OTUD7A: variants seen among roughly 807,000 people sequenced by gnomAD.
OTUD7A encodes the protein OTU domain-containing protein 7A.
OTUD7A carries 12 observed loss-of-function variants against 65.7 expected under a neutral mutation model. That is an observed-to-expected ratio of 0.18 (90% CI 0.12 to 0.30). OTUD7A has a LOEUF of 0.30. Among genes scored for constraint, OTUD7A ranks in the 10% least tolerant of loss-of-function variants. The pLI is 1.00. For missense variants in OTUD7A, 1,148 were observed against 1,304.8 expected (o/e 0.88, Z 1.85); for synonymous variants, 641 against 586.3 (o/e 1.09, Z -1.35).
intron 1 of OTUD7A, among the ~76,000 whole-genome samples, chr15:31,755,972 G>T (rs1894802060): frequency 6.6e-6 from 1 of 152,186 alleles, no homozygotes; most frequent in Non-Finnish European, 1.5e-5. Context: ...TAAGCCTTCT[G>T]CAAAGGCGTA....
At chr15:31,838,916 G>T (rs932096346) in intron 1 of OTUD7A, among the ~76,000 whole-genome samples, 2 of 152,346 alleles carry the variant, frequency 1.3e-5, no homozygotes, top group East Asian at 3.9e-4. Flanking sequence ...CCAAATGCAT[G>T]TTGGGTCATG....
chr15:31,564,352 G>A (rs1034163112), intron 4 of OTUD7A, among the ~76,000 whole-genome samples: 2 of 145,226 alleles, frequency 1.4e-5, no homozygotes, highest in Admixed American at 7.0e-5. Context: ...GATTCACCAT[G>A]CAAAAACTGT....
At chr15:31,804,337 C>T (rs1015499904) in intron 1 of OTUD7A, among the ~76,000 whole-genome samples, 3 of 152,158 alleles carry the variant, frequency 2.0e-5, no homozygotes, top group Non-Finnish European at 2.9e-5. Flanking sequence ...GGAGTGCCTA[C>T]TTTTATGGTT....
intron 1 of OTUD7A, among the ~76,000 whole-genome samples, chr15:31,818,792 G>A (rs180883626): frequency 1.2e-4 from 19 of 152,348 alleles, no homozygotes; most frequent in African/African-American, 3.8e-4. Context: ...GATTGATACA[G>A]AAATGAGCAT....
chr15:31,793,485 A>C (rs989440307), intron 1 of OTUD7A, among the ~76,000 whole-genome samples: 1 of 152,192 alleles, frequency 6.6e-6, no homozygotes, highest in Non-Finnish European at 1.5e-5. Context: ...TCTTCTTCTT[A>C]GAAGGCATTC....
chr15:31,733,037 A>C (rs1205637843), intron 1 of OTUD7A, among the ~76,000 whole-genome samples: 1 of 152,204 alleles, frequency 6.6e-6, no homozygotes, highest in African/African-American at 2.4e-5. Flanking sequence ...CTCCTGAAAA[A>C]AAGCTCTTTA....
At chr15:31,502,422 T>C (rs533688389) in intron 9 of OTUD7A, among the ~76,000 whole-genome samples, 87 of 152,292 alleles carry the variant, frequency 5.7e-4, no homozygotes, top group Non-Finnish European at 1.1e-3. Flanking sequence ...CTTCTGGAAA[T>C]ATCTGTCCTA....
At chr15:31,831,935 G>A (rs990161808) in intron 1 of OTUD7A, among the ~76,000 whole-genome samples, 2 of 152,272 alleles carry the variant, frequency 1.3e-5, no homozygotes, top group East Asian at 3.8e-4. Context: ...CTGTGATGGA[G>A]AAATCAGACA....
intron 5 of OTUD7A, among the ~76,000 whole-genome samples, chr15:31,552,709 C>T (rs1469522430): frequency 6.6e-6 from 1 of 152,228 alleles, no homozygotes; most frequent in Non-Finnish European, 1.5e-5. Context: ...CTGGCCCAGG[C>T]CCTATGCCCA....
chr15:31,680,542 G>A (rs1245246435), intron 1 of OTUD7A, among the ~76,000 whole-genome samples: 2 of 152,178 alleles, frequency 1.3e-5, no homozygotes, highest in African/African-American at 2.4e-5. Flanking sequence ...AAACTGTCCA[G>A]AAGGAAAACT....
intron 1 of OTUD7A, among the ~76,000 whole-genome samples, chr15:31,682,648 A>C (rs1205156746): frequency 6.6e-6 from 1 of 152,268 alleles, no homozygotes; most frequent in Non-Finnish European, 1.5e-5. Context: ...AATGGACTTC[A>C]GTAAAGTAAA....
chr15:31,723,296 G>A (rs1413683877), intron 1 of OTUD7A, among the ~76,000 whole-genome samples: 1 of 151,930 alleles, frequency 6.6e-6, no homozygotes, highest in Non-Finnish European at 1.5e-5. Flanking sequence ...CACACAATCT[G>A]CCCTTGTTTG....
chr15:31,481,703 TTATTA>T lies in OTUD7A; in HGVS notation c.*1586_*1590del, dbSNP rs2041121903. ...TACTCACAGGAGATACTCAATTATT[TTATTA>T]TAATTTCTCAAACAAGTAAAAAAAA... On this transcript the variant is annotated 3_prime_UTR_variant, in exon 13 of 13. Transcript: ENST00000307050. 6.6e-6 allele frequency: 1 copy of T among 152,468 alleles called. No homozygotes were observed. The highest frequency in any genetic ancestry group is 2.1e-4 in the South Asian group (1 of 4,830). The allele number at this position is 152,468 out of a possible 1,614,324, so 9.4% of individuals were successfully genotyped here. A position where few individuals can be genotyped will look rare whatever the true frequency, so the allele number is the denominator to read the frequency against.
intron 6 of OTUD7A, among the ~76,000 whole-genome samples, chr15:31,528,372 G>C (rs1042430492): frequency 6.6e-6 from 1 of 152,220 alleles, no homozygotes; most frequent in African/African-American, 2.4e-5. Flanking sequence ...AAGAGGGAAA[G>C]GTGGCTAAAG....
chr15:31,682,382 C>T (rs534677914), intron 1 of OTUD7A, among the ~76,000 whole-genome samples: 1 of 152,274 alleles, frequency 6.6e-6, no homozygotes, highest in Non-Finnish European at 1.5e-5. Flanking sequence ...TAGGCACAGA[C>T]AAGCTGATTC....
intron 3 of OTUD7A, among the ~76,000 whole-genome samples, chr15:31,619,744 T>G (rs575105273): frequency 7.2e-6 from 1 of 139,512 alleles, no homozygotes; most frequent in Non-Finnish European, 1.5e-5. Context: ...CTTTTCCTAA[T>G]TGAATACCCT....
chr15:31,603,693 C>T (rs1890150554), intron 3 of OTUD7A, among the ~76,000 whole-genome samples: 1 of 152,036 alleles, frequency 6.6e-6, no homozygotes, highest in African/African-American at 2.4e-5. Flanking sequence ...GTAATCTTTC[C>T]ATCTAACAAT....
chr15:31,718,492 T>G (rs537335926), intron 1 of OTUD7A, among the ~76,000 whole-genome samples: 1 of 151,696 alleles, frequency 6.6e-6, no homozygotes, highest in Non-Finnish European at 1.5e-5. Flanking sequence ...TCATCACCTA[T>G]TTAATAAATA....
intron 1 of OTUD7A, chr15:31,767,041 T>C: frequency 6.2e-7 from 1 of 1,601,710 alleles, no homozygotes. Flanking sequence ...ATTAACTAGC[T>C]GCATTTTCTT....
Sources: allele counts gnomAD v4.1 joint callset (sites outside exome capture counted in the v4.1 genomes callset), GRCh38; gene constraint gnomAD v4.1.1; transcripts MANE v1.5; gene names NCBI Gene and HGNC (gene_info 2026-07-23, HGNC 2026-07-21).